Variants in SMIM7 observed in about 807,000 individuals in gnomAD.
SMIM7 encodes UPF0608 protein C19orf42.
Under a neutral mutation model 13.3 loss-of-function variants are expected in SMIM7, and 12 were observed. The observed-to-expected ratio is 0.90, with a 90% CI of 0.58 to 1.46. The LOEUF (loss-of-function observed/expected upper bound fraction) is 1.46. SMIM7 is among the 40% of genes most tolerant of loss of function. The pLI is 0.00. For missense variants in SMIM7, 114 were observed against 94.8 expected (o/e 1.20, Z -0.84); for synonymous variants, 36 against 35.8 (o/e 1.01, Z -0.02).
chr19:16,651,086 T>G (rs1439131775), intron 4 of SMIM7, among the ~76,000 whole-genome samples: 1 of 152,194 alleles, frequency 6.6e-6, no homozygotes, highest in Non-Finnish European at 1.5e-5. Flanking sequence ...TCTTGGACAC[T>G]TAGGTGATTT....
chr19:16,631,890 C>CGAGA (rs113875977), intron 4 of SMIM7, among the ~76,000 whole-genome samples: 9 of 134,880 alleles, frequency 6.7e-5, no homozygotes, highest in East Asian at 2.3e-4. Flanking sequence ...TTTTTTTTTT[C>CGAGA]GAGAGAGTCT....
chr19:16,632,513 A>G (rs1339992930), intron 4 of SMIM7, among the ~76,000 whole-genome samples: 1 of 151,816 alleles, frequency 6.6e-6, no homozygotes, highest in Non-Finnish European at 1.5e-5. Flanking sequence ...CCAACGAATG[A>G]AAAAAGTCAT....
chr19:16,647,352 T>A (rs989209736), intron 4 of SMIM7, 91 bp from the exon 5 acceptor site: 2 of 1,444,998 alleles, frequency 1.4e-6, no homozygotes, highest in African/African-American at 1.4e-5. Context: ...GACTATTACC[T>A]ATTACTTAGA....
chr19:16,657,432 A>G (rs957533173), intron 3 of SMIM7, among the ~76,000 whole-genome samples: 4 of 152,198 alleles, frequency 2.6e-5, no homozygotes, highest in African/African-American at 7.2e-5. Context: ...TAAGTAACAC[A>G]TGGCTGCTGA....
At position 16,647,188 on chromosome 19, in the gene SMIM7, T is replaced by C. The variant is rs777155366; in HGVS notation, c.*58A>G. The C allele has an allele frequency of 4.3e-6, 7 of 1,609,438 alleles. No homozygotes were observed. Among genetic ancestry groups the C allele is most frequent in the Non-Finnish European group, 6.0e-6 (7 of 1,176,168 alleles). On this transcript the variant is annotated 3_prime_UTR_variant, in exon 5 of 5. Transcript: ENST00000487416. ...AAAACATTCTTGAAGTCATCAGGAA[T>C]GGAGGAATGGAGACTCGGCATCCCG... is the stretch of plus-strand genomic sequence containing the variant.
chr19:16,643,719 T>C (rs571888752), downstream of SMIM7, among the ~76,000 whole-genome samples: 8 of 151,894 alleles, frequency 5.3e-5, 1 homozygote, highest in Admixed American at 6.6e-5. Context: ...TCAAGCAAAG[T>C]AAAACAAACA....
At chr19:16,645,992 T>C (rs1316961346), downstream of SMIM7, 2 of 152,082 alleles carry the variant, frequency 1.3e-5, no homozygotes, top group Non-Finnish European at 2.9e-5. Flanking sequence ...CATCATTTAT[T>C]GAGCTAAATC....
chr19:16,656,162 G>A (rs2086595268), intron 3 of SMIM7, among the ~76,000 whole-genome samples: 1 of 152,132 alleles, frequency 6.6e-6, no homozygotes, highest in African/African-American at 2.4e-5. Context: ...GAGGCAGGTG[G>A]ATCACCTGAG....
intron 1 of SMIM7, 32 bp downstream of exon 1, chr19:16,660,053 C>G (rs748254028): frequency 6.2e-7 from 1 of 1,614,200 alleles, no homozygotes; most frequent in Admixed American, 1.7e-5. Context: ...CTGCCTGGCT[C>G]TCTCTTCCCA....
chr19:16,658,104 G>A (rs913649811), intron 3 of SMIM7, among the ~76,000 whole-genome samples: 2 of 152,104 alleles, frequency 1.3e-5, no homozygotes, highest in African/African-American at 4.8e-5. Flanking sequence ...GGCATCCACC[G>A]CCTTGACTGT....
At chr19:16,632,738 G>C (rs2086331029) in intron 4 of SMIM7, among the ~76,000 whole-genome samples, 3 of 151,806 alleles carry the variant, frequency 2.0e-5, no homozygotes. Flanking sequence ...CGTCATGTTG[G>C]TCAGGCTGCT....
Position 16,654,036 on chromosome 19 carries a change from C to G in SMIM7, c.211G>C (p.Val71Leu), listed in dbSNP as rs543064730. ...WNIFMMFCMI[V>L]LFGS Reference sequence around the variant, plus strand: ...AAGGAAAGGGCAGGCTGGACTCACACAATCATGCAGAACATCATGAAGATG... The same window carrying G: ...AAGGAAAGGGCAGGCTGGACTCACAGAATCATGCAGAACATCATGAAGATG... The change falls in exon 4 of 5, where the codon GTG becomes CTG. Residue 71 changes from valine to leucine, a missense_variant and splice_region_variant. Coordinates refer to ENST00000487416, the MANE Select transcript of SMIM7 (RefSeq NM_024104.4). 2.9e-5 allele frequency: 46 copies of G among 1,613,486 alleles called. No homozygotes were observed. The Admixed American group carries it at 5.8e-4, about 20-fold the overall frequency.
At chr19:16,655,278 G>A (rs1216695195) in intron 3 of SMIM7, 2 of 455,680 alleles carry the variant, frequency 4.4e-6, no homozygotes, top group African/African-American at 2.0e-5. Flanking sequence ...ACCCCTCCGA[G>A]GGAAGGCAAT....
intron 4 of SMIM7, among the ~76,000 whole-genome samples, chr19:16,633,152 T>C (rs1254883326): frequency 6.6e-6 from 1 of 152,016 alleles, no homozygotes; most frequent in East Asian, 1.9e-4. Context: ...CTGGTGTTTG[T>C]ACATGTAGAA....
intron 3 of SMIM7, among the ~76,000 whole-genome samples, chr19:16,658,264 A>G (rs1261573168): frequency 3.9e-5 from 6 of 152,200 alleles, no homozygotes; most frequent in Admixed American, 3.9e-4. Context: ...CCCCATGGTA[A>G]GTTCCACTCT....
chr19:16,658,752 G>A (rs1404124052), intron 3 of SMIM7, among the ~76,000 whole-genome samples: 2 of 152,122 alleles, frequency 1.3e-5, no homozygotes, highest in Non-Finnish European at 2.9e-5. Context: ...CACAGGCATC[G>A]GAGGACGGGT....
intron 4 of SMIM7, 53 bp from the exon 5 acceptor site, chr19:16,647,314 A>G: frequency 6.2e-7 from 1 of 1,605,694 alleles, no homozygotes; most frequent in Non-Finnish European, 8.5e-7. Context: ...TGACTGTTCT[A>G]AAAATATTGT....
At chr19:16,659,905 G>A (rs1184421997) in intron 2 of SMIM7, 54 bp downstream of exon 2, 3 of 1,568,304 alleles carry the variant, frequency 1.9e-6, no homozygotes, top group East Asian at 4.7e-5. Flanking sequence ...CGCTTATGAG[G>A]GCGGGGCTAC....
At chr19:16,650,566 C>T (rs944433302) in intron 4 of SMIM7, among the ~76,000 whole-genome samples, 2 of 152,010 alleles carry the variant, frequency 1.3e-5, no homozygotes, top group Non-Finnish European at 2.9e-5. Flanking sequence ...AAAAATTAGC[C>T]AAGTGTGGTG....
Sources: allele counts gnomAD v4.1 joint callset (sites outside exome capture counted in the v4.1 genomes callset), GRCh38; gene constraint gnomAD v4.1.1; transcripts MANE v1.5; gene names NCBI Gene and HGNC (gene_info 2026-07-23, HGNC 2026-07-21).